CELSR1: variants seen among roughly 807,000 people sequenced by gnomAD.
The protein encoded by CELSR1 is cadherin EGF LAG seven-pass G-type receptor 1.
In CELSR1, 110 loss-of-function variants were observed where a neutral mutation model predicts 249.1. The observed-to-expected ratio is 0.44, with a 90% CI of 0.38 to 0.52. CELSR1 has a LOEUF of 0.52. CELSR1 is among the 20% of genes least tolerant of loss of function. CELSR1 has a pLI of 0.00. For synonymous variants in CELSR1, 2,113 were observed against 1,900.0 expected (o/e 1.11, Z -2.92); for missense variants, 4,109 against 4,296.4 (o/e 0.96, Z 1.22).
At chr22:46,523,505 G>A (rs1192479932) in intron 1 of CELSR1, among the ~76,000 whole-genome samples, 1 of 149,410 alleles carries the variant, frequency 6.7e-6, no homozygotes, top group Non-Finnish European at 1.5e-5. Flanking sequence ...TCCAGCCTGG[G>A]TGCCAGAGTG....
At chr22:46,421,694 G>T (rs2079474536) in intron 5 of CELSR1, among the ~76,000 whole-genome samples, 1 of 152,240 alleles carries the variant, frequency 6.6e-6, no homozygotes, top group Non-Finnish European at 1.5e-5. Flanking sequence ...CCATCACTTG[G>T]GCTCAAGGAG....
intron 24 of CELSR1, among the ~76,000 whole-genome samples, chr22:46,375,779 A>C (rs1340446052): frequency 6.6e-6 from 1 of 152,138 alleles, no homozygotes; most frequent in Admixed American, 6.5e-5. Context: ...CCTTGACCTC[A>C]AGTGATCTGC....
Position 46,429,340 on chromosome 22 carries a change from A to AAAAAC in CELSR1, c.4611+4052_4611+4053insGTTTT, listed in dbSNP as rs1555915416. Among the ~76,000 whole-genome samples, 82 of 152,226 alleles carry AAAAAC rather than the reference A, an allele frequency of 5.4e-4. No individual in the cohort carries two copies. The highest frequency in any genetic ancestry group is 1.9e-3 in the African/African-American group (79 of 41,498). On this transcript the variant is annotated intron_variant, in intron 5 of 34. Coordinates refer to ENST00000674500, the MANE Select transcript of CELSR1 (RefSeq NM_001378328.1). This position sits in a 1 kb window ranked among gnomAD's most constrained non-coding sequence, Gnocchi z 4.1. ...CACCTTCAAACCAGCCTTGAGGGAA[A>AAAAAC]AAACAAACAAACAAACAAACAAAAA...
In CELSR1 at chr22:46,535,752, C is replaced by T. The variant is rs780293268; in HGVS notation, c.1419G>A (p.Gly473=). 13 of 1,612,408 alleles carry T rather than the reference C, an allele frequency of 8.1e-6. No homozygotes were observed. Among genetic ancestry groups the T allele is most frequent in the African/African-American group, 1.3e-5 (1 of 74,926 alleles). The change falls in exon 1 of 35, where the codon GGG becomes GGA. Residue 473 remains glycine (G), a synonymous_variant. Coordinates refer to ENST00000674500, the MANE Select transcript of CELSR1 (RefSeq NM_001378328.1). ...GCACTCGCAGCACAGCCGTGTTGAGCCCCACGTCCTCGGGCACCTGGACCA... is the reference window on the plus strand; with the variant it reads ...GCACTCGCAGCACAGCCGTGTTGAGTCCCACGTCCTCGGGCACCTGGACCA... ...NYVVQVPEDV[G]LNTAVLRVQA... is the part of the protein sequence containing the mutation.
chr22:46,509,366 G>A (rs1346705388), intron 1 of CELSR1, among the ~76,000 whole-genome samples: 2 of 152,212 alleles, frequency 1.3e-5, no homozygotes, highest in African/African-American at 4.8e-5. Flanking sequence ...CCACTGAGCA[G>A]GGCAGGGTTG....
rs528820357 is a variant in CELSR1, at chr22:46,407,589, G to T, written c.5226+1407C>A. ...AGAAGTTGCAGTGAGCTGAGGTTAC[G>T]CCGTCGCACTCCAGCCTGGGCAACA... On this transcript the variant is annotated intron_variant, in intron 9 of 34. Coordinates refer to ENST00000674500, the MANE Select transcript of CELSR1 (RefSeq NM_001378328.1). This position sits in a 1 kb window ranked among gnomAD's most constrained non-coding sequence, Gnocchi z 4.8. Among the ~76,000 whole-genome samples, 29 of 152,138 alleles carry T rather than the reference G, an allele frequency of 1.9e-4. No homozygotes were observed. The highest frequency in any genetic ancestry group is 7.0e-4 in the African/African-American group (29 of 41,486).
At chr22:46,403,983 A>AAAAAAG (rs1555911220) in intron 9 of CELSR1, among the ~76,000 whole-genome samples, 7 of 150,028 alleles carry the variant, frequency 4.7e-5, no homozygotes, top group African/African-American at 1.7e-4. Context: ...AAAAAAAAAA[A>AAAAAAG]AAAAAAAGAA....
intron 4 of CELSR1, among the ~76,000 whole-genome samples, chr22:46,435,760 G>A (rs1481615104): frequency 6.6e-6 from 1 of 152,046 alleles, no homozygotes; most frequent in African/African-American, 2.4e-5. Context: ...GGGTGCAGTG[G>A]CGTGATCTCA....
intron 9 of CELSR1, among the ~76,000 whole-genome samples, chr22:46,405,459 CAAAAAA>C (rs869105580): frequency 0.04 from 3,357 of 84,888 alleles, 131 homozygotes; most frequent in African/African-American, 0.11. Context: ...GACTCCGTCT[CAAAAAA>C]AAAAAAAAAA....
In CELSR1 at chr22:46,512,664, G is replaced by A. The variant is rs970343477; in HGVS notation, c.3544+20963C>T. ...CAAATGGCCTCACCACAGGTCCCCC[G>A]CCCCACTCTGCTCCTTCGGATAAGA... On this transcript the variant is annotated intron_variant, in intron 1 of 34. Transcript: ENST00000674500. The surrounding 1 kb of genome is among the most constrained non-coding windows in gnomAD (Gnocchi z 5.2). 3.3e-5 allele frequency among the ~76,000 whole-genome samples: 5 copies of A among 152,102 alleles called. No individual in the cohort carries two copies. The highest frequency in any genetic ancestry group is 9.7e-5 in the African/African-American group (4 of 41,394).
chr22:46,415,155 A>C (rs2079385088), intron 5 of CELSR1, among the ~76,000 whole-genome samples: 1 of 152,080 alleles, frequency 6.6e-6, no homozygotes. Context: ...GGGGTGATGA[A>C]AATACTTCTT....
rs1012421205 is a variant in CELSR1, at chr22:46,423,397, T to C, written c.4611+9996A>G. The stretch of plus-strand genomic sequence containing the variant: ...GCCGAGGGGGGCAGATCACCTGAGG[T>C]CAGGAGTTCAAGACCAGCCTCAACA... On this transcript the variant is annotated intron_variant, in intron 5 of 34. Coordinates refer to ENST00000674500, the MANE Select transcript of CELSR1 (RefSeq NM_001378328.1). The surrounding 1 kb of genome is among the most constrained non-coding windows in gnomAD (Gnocchi z 5.6). Among the ~76,000 whole-genome samples, 1 of 151,414 alleles carries C rather than the reference T, an allele frequency of 6.6e-6. No homozygotes were observed. Among genetic ancestry groups the C allele is most frequent in the African/African-American group, 2.4e-5 (1 of 41,094 alleles).
intron 32 of CELSR1, among the ~76,000 whole-genome samples, 176 bp from the exon 33 acceptor site, chr22:46,364,912 C>T (rs1293075769): frequency 2.6e-5 from 4 of 152,224 alleles, no homozygotes; most frequent in African/African-American, 9.6e-5. Flanking sequence ...CAGCAGGGCC[C>T]TTGTTGGGAG....
intron 2 of CELSR1, among the ~76,000 whole-genome samples, chr22:46,453,603 G>A (rs2079911391): frequency 6.6e-6 from 1 of 152,214 alleles, no homozygotes; most frequent in Non-Finnish European, 1.5e-5. Flanking sequence ...CAGGACAGAG[G>A]CGGCTTTGTC....
chr22:46,364,614 G>GC lies in CELSR1; in HGVS notation c.8676dup (p.His2893AlafsTer26). 6.2e-7 allele frequency: 1 copy of GC among 1,612,702 alleles called. No individual in the cohort carries two copies. The highest frequency in any genetic ancestry group is 8.5e-7 in the Non-Finnish European group (1 of 1,179,898). The stretch of plus-strand genomic sequence containing the variant: ...CGGTGACTGCCCTGCTCCTCGCGGT[G>GC]CAGCTCCACGCTGACCTTGGTCTCC... On this transcript the variant is annotated frameshift_variant, in exon 33 of 35. Coordinates refer to ENST00000674500, the MANE Select transcript of CELSR1 (RefSeq NM_001378328.1). LOFTEE classifies it high-confidence loss of function.
At chr22:46,475,445 A>C (rs1408300776) in intron 1 of CELSR1, among the ~76,000 whole-genome samples, 3 of 152,094 alleles carry the variant, frequency 2.0e-5, no homozygotes, top group Non-Finnish European at 4.4e-5. Context: ...AGAAAGTAGG[A>C]TGGTGAGTGC....
rs1368484643 is a variant in CELSR1 at position 46,363,079 on chromosome 22, C to T, written c.*144G>A. On this transcript the variant is annotated 3_prime_UTR_variant, in exon 35 of 35. Coordinates refer to ENST00000674500, the MANE Select transcript of CELSR1 (RefSeq NM_001378328.1). The surrounding 1 kb of genome is among the most constrained non-coding windows in gnomAD (Gnocchi z 4.3). Reference sequence around the variant, plus strand: ...AGTCGGGGGGCTGCCACCATGGGGACCGCCACACTCTGGGCCCACTCCACT... The same window carrying T: ...AGTCGGGGGGCTGCCACCATGGGGATCGCCACACTCTGGGCCCACTCCACT... 6.4e-7 allele frequency: 1 copy of T among 1,556,166 alleles called. No individual in the cohort carries two copies. The highest frequency in any genetic ancestry group is 8.8e-7 in the Non-Finnish European group (1 of 1,131,742).
intron 5 of CELSR1, among the ~76,000 whole-genome samples, chr22:46,414,601 C>G (rs964067723): frequency 2.0e-5 from 3 of 147,518 alleles, no homozygotes; most frequent in Admixed American, 6.6e-5. Context: ...ACTCTCCCGC[C>G]TCTCGGCGAG....
chr22:46,376,055 T>C (rs1383791400), intron 24 of CELSR1, among the ~76,000 whole-genome samples: 1 of 152,388 alleles, frequency 6.6e-6, no homozygotes, highest in East Asian at 1.9e-4. Flanking sequence ...TATCTTCCCA[T>C]TGTTATTTAT....
Sources: gnomAD v4.1 joint callset for allele counts (sites outside exome capture counted in the v4.1 genomes callset) on GRCh38, gnomAD v4.1.1 for gene constraint, Gnocchi (gnomAD v3.1) non-coding constraint, MANE v1.5 for transcripts, NCBI Gene and HGNC (gene_info 2026-07-23, HGNC 2026-07-21) for gene names.